The following POU2AF2 variants were observed in gnomAD, a reference collection of about 807,000 sequenced individuals.
POU2AF2 encodes POU domain class 2-associating factor 2.
chr11:111,273,274 A>G, the POU2AF2 span, among the ~76,000 whole-genome samples: 38 of 152,212 alleles, frequency 2.5e-4, no homozygotes, highest in African/African-American at 8.9e-4. Flanking sequence ...GTGCCCATTT[A>G]AAGACTAACT....
the POU2AF2 span, among the ~76,000 whole-genome samples, chr11:111,264,684 GAGAA>G: frequency 7.1e-6 from 1 of 140,270 alleles, no homozygotes; most frequent in Non-Finnish European, 1.5e-5. Flanking sequence ...AGGAAGGAGA[GAGAA>G]AGACAGAGAA....
chr11:111,261,135 T>A, the POU2AF2 span, among the ~76,000 whole-genome samples: 11 of 152,332 alleles, frequency 7.2e-5, no homozygotes, highest in African/African-American at 2.4e-4. Context: ...TTGCTATGTA[T>A]GTCTATTTTT....
the POU2AF2 span, chr11:111,284,298 C>G: frequency 2.3e-5 from 37 of 1,613,372 alleles, no homozygotes; most frequent in African/African-American, 4.7e-4. Flanking sequence ...ACGCCCAACG[C>G]GGGCTCTCTG....
the POU2AF2 span, among the ~76,000 whole-genome samples, chr11:111,279,329 T>A: frequency 6.6e-6 from 1 of 152,150 alleles, no homozygotes; most frequent in Non-Finnish European, 1.5e-5. Flanking sequence ...TGTATTGGTG[T>A]CTTAGGGCTG....
At chr11:111,267,725 T>A in the POU2AF2 span, among the ~76,000 whole-genome samples, 2 of 152,174 alleles carry the variant, frequency 1.3e-5, no homozygotes, top group East Asian at 3.9e-4. Flanking sequence ...ACCCCTTCAA[T>A]GCTCTCCCAG....
chr11:111,248,414 A>C, the POU2AF2 span, among the ~76,000 whole-genome samples: 1 of 152,144 alleles, frequency 6.6e-6, no homozygotes, highest in Non-Finnish European at 1.5e-5. Context: ...ACTGTCCAGG[A>C]CCTGATTCTT....
chr11:111,283,882 G>A, the POU2AF2 span, among the ~76,000 whole-genome samples: 1 of 152,166 alleles, frequency 6.6e-6, no homozygotes, highest in Non-Finnish European at 1.5e-5. Flanking sequence ...AGGCGACAAT[G>A]TTTTCAAACG....
chr11:111,282,214 T>C, the POU2AF2 span, among the ~76,000 whole-genome samples: 2 of 152,184 alleles, frequency 1.3e-5, no homozygotes. Flanking sequence ...TTCGTGGTTG[T>C]TTTGATTTGG....
the POU2AF2 span, among the ~76,000 whole-genome samples, chr11:111,276,453 A>AAAAAAAAAAAAATAT: frequency 2.7e-5 from 1 of 37,692 alleles, no homozygotes; most frequent in African/African-American, 9.6e-5. Context: ...AAAAAAAAAA[A>AAAAAAAAAAAAATAT]ATATATATAT....
chr11:111,284,354 G>A, the POU2AF2 span: 8 of 1,607,722 alleles, frequency 5.0e-6, no homozygotes, highest in Middle Eastern at 2.0e-4. Flanking sequence ...GCCCTTCCCC[G>A]GAGACCCAGC....
chr11:111,269,666 T>G, the POU2AF2 span, among the ~76,000 whole-genome samples: 3 of 152,144 alleles, frequency 2.0e-5, no homozygotes, highest in Non-Finnish European at 4.4e-5. Context: ...CTGACCAAAG[T>G]GCATCTCAGT....
chr11:111,249,074 A>G, the POU2AF2 span, among the ~76,000 whole-genome samples: 2 of 152,230 alleles, frequency 1.3e-5, no homozygotes, highest in African/African-American at 4.8e-5. Context: ...TCCAAATTCT[A>G]CAGGATGAGT....
chr11:111,268,699 ATGTT>A, the POU2AF2 span, among the ~76,000 whole-genome samples: 2 of 150,814 alleles, frequency 1.3e-5, no homozygotes, highest in East Asian at 3.9e-4. Flanking sequence ...ATGCCTGGCT[ATGTT>A]TGTTTGTTTG....
the POU2AF2 span, among the ~76,000 whole-genome samples, chr11:111,270,277 A>G: frequency 6.6e-6 from 1 of 152,260 alleles, no homozygotes; most frequent in East Asian, 1.9e-4. Flanking sequence ...ATTACAAAAA[A>G]TGCATAAATT....
At chr11:111,252,257 AACCTTCTAAAG>A in the POU2AF2 span, among the ~76,000 whole-genome samples, 2 of 152,054 alleles carry the variant, frequency 1.3e-5, no homozygotes, top group South Asian at 4.2e-4. Flanking sequence ...CCTCCACAGG[AACCTTCTAAAG>A]GCCTTACTCA....
At chr11:111,246,319 A>G in the POU2AF2 span, among the ~76,000 whole-genome samples, 1 of 152,230 alleles carries the variant, frequency 6.6e-6, no homozygotes, top group African/African-American at 2.4e-5. Context: ...TTTAAGGCTA[A>G]GAAGTAAGGT....
At chr11:111,273,751 C>T in the POU2AF2 span, among the ~76,000 whole-genome samples, 1 of 152,178 alleles carries the variant, frequency 6.6e-6, no homozygotes, top group Admixed American at 6.5e-5. Flanking sequence ...AACTCCTAAT[C>T]TTATCACTTT....
the POU2AF2 span, among the ~76,000 whole-genome samples, chr11:111,278,251 T>G: frequency 1.3e-5 from 2 of 152,198 alleles, no homozygotes; most frequent in African/African-American, 4.8e-5. Context: ...CCACAGCTAA[T>G]AAGAGGTAGA....
chr11:111,283,358 A>C, the POU2AF2 span, among the ~76,000 whole-genome samples: 1 of 151,976 alleles, frequency 6.6e-6, no homozygotes, highest in African/African-American at 2.4e-5. Context: ...CCACCAAGGG[A>C]AACTTTATGT....
Sources: allele counts gnomAD v4.1 joint callset (sites outside exome capture counted in the v4.1 genomes callset), GRCh38; gene constraint gnomAD v4.1.1; transcripts MANE v1.5; gene names NCBI Gene and HGNC (gene_info 2026-07-23, HGNC 2026-07-21).